MGST3: variants seen among roughly 807,000 people sequenced by gnomAD.
MGST3 encodes the protein microsomal glutathione S-transferase 3.
A neutral mutation model predicts 15.8 loss-of-function variants in MGST3; 13 were observed. The ratio of observed to expected loss-of-function variants is 0.82; its 90% CI spans 0.54 to 1.31. MGST3 has a LOEUF of 1.31. MGST3 is among the 50% of genes most tolerant of loss of function. The probability of loss-of-function intolerance (pLI) is 0.00; values close to 1 mark genes in which losing one functional copy is unlikely to be tolerated. For missense variants in MGST3, 155 were observed against 192.4 expected, an observed-to-expected ratio of 0.81 and a Z score of 1.15; for synonymous variants, 49 against 68.1, an observed-to-expected ratio of 0.72 and a Z score of 1.38.
chr1:165,648,487 G>C (rs952406222), intron 1 of MGST3: 1 of 152,220 alleles, frequency 6.6e-6, no homozygotes, highest in African/African-American at 2.4e-5. Context: ...GCAAAACCTC[G>C]TTTCTACTAA....
Position 165,655,953 on chromosome 1 carries a change from C to A in MGST3, c.*449C>A, listed in dbSNP as rs1648696330. On this transcript the variant is annotated 3_prime_UTR_variant, in exon 6 of 6. Transcript: ENST00000367889. ...AACCCCATCTCTACAAAAAAATATA[C>A]AACAGTTAGCCAGGCATGATGGCAC... is the stretch of plus-strand genomic sequence containing the variant. The A allele has an allele frequency of 4.7e-6, 1 of 214,382 alleles. No individual in the cohort carries two copies. Among genetic ancestry groups the A allele is most frequent in the Non-Finnish European group, 9.4e-6 (1 of 106,316 alleles). The allele number at this position is 214,382 out of a possible 1,614,324, so 13.3% of individuals were successfully genotyped here.
In MGST3 at chr1:165,651,105, C is replaced by T. The variant is rs376981509; in HGVS notation, c.191+18C>T. 2.2e-5 allele frequency: 36 copies of T among 1,612,880 alleles called. No individual in the cohort carries two copies. The highest frequency in any genetic ancestry group is 3.3e-5 in the Admixed American group (2 of 60,024). ...CAGAACACGTGAGTGTCGGCCCTGC[C>T]GGGCACCAAAGACATCTGCAGAGTG... is the stretch of plus-strand genomic sequence containing the variant. On this transcript the variant is annotated intron_variant, in intron 3 of 5. Coordinates refer to ENST00000367889, the MANE Select transcript of MGST3 (RefSeq NM_004528.4).
chr1:165,636,427 G>A (rs146446053), intron 1 of MGST3, among the ~76,000 whole-genome samples: 90 of 152,266 alleles, frequency 5.9e-4, no homozygotes, highest in African/African-American at 2.1e-3. Context: ...TATACATTGT[G>A]TAATGAGCAA....
chr1:165,635,855 G>A lies in MGST3; in HGVS notation c.-8+4562G>A, dbSNP rs569395568. The A allele has an allele frequency of 2.0e-5, 3 of 152,306 alleles. No individual in the cohort carries two copies. The East Asian group carries it at 5.8e-4, about 29-fold the overall frequency. The allele number at this position is 152,306 out of a possible 1,614,324, so 9.4% of individuals were successfully genotyped here. On this transcript the variant is annotated intron_variant, in intron 1 of 5. Coordinates refer to ENST00000367889, the MANE Select transcript of MGST3 (RefSeq NM_004528.4). ...GAAAGACCCACTCTAGGACCTGCTT[G>A]CTGCTATTTGCCTTACTTGAACCAG...
intron 1 of MGST3, chr1:165,632,281 G>A (rs1348000219): frequency 1.2e-6 from 2 of 1,612,444 alleles, no homozygotes; most frequent in African/African-American, 1.3e-5. Flanking sequence ...GCAGGTATGT[G>A]CTGTTGGGCC....
intron 5 of MGST3, 94 bp downstream of exon 5, chr1:165,654,445 C>T (rs554747099): frequency 8.5e-7 from 1 of 1,172,568 alleles, no homozygotes; most frequent in South Asian, 1.2e-5. Flanking sequence ...AATCCCAGCA[C>T]TTTGGGAGGC....
chr1:165,651,892 C>CAAAAAAA (rs58194137), intron 3 of MGST3, 86 bp from the exon 4 acceptor site: 122,557 of 453,178 alleles, frequency 0.27, 11,247 homozygotes, highest in East Asian at 0.37. Flanking sequence ...CACTCCGTCT[C>CAAAAAAA]AAAAAAAAAA....
intron 1 of MGST3, among the ~76,000 whole-genome samples, chr1:165,640,418 A>G (rs1648232011): frequency 6.6e-6 from 1 of 151,830 alleles, no homozygotes; most frequent in African/African-American, 2.4e-5. Flanking sequence ...GTAGTAGAAT[A>G]TAACCACCAA....
At chr1:165,646,482 ATTC>A (rs1384514679) in intron 1 of MGST3, 1 of 152,180 alleles carries the variant, frequency 6.6e-6, no homozygotes, top group Non-Finnish European at 1.5e-5. Flanking sequence ...TGTGTTCTGA[ATTC>A]TTCTTTCTTA....
chr1:165,654,219 T>C, intron 4 of MGST3, 60 bp from the exon 5 acceptor site: 1 of 1,497,550 alleles, frequency 6.7e-7, no homozygotes, highest in Non-Finnish European at 9.3e-7. Flanking sequence ...CAACCCTAGG[T>C]GTTAAAAAAG....
At chr1:165,649,731 G>A in intron 1 of MGST3, 110 bp from the exon 2 acceptor site, 2 of 1,267,648 alleles carry the variant, frequency 1.6e-6, no homozygotes, top group Non-Finnish European at 2.3e-6. Context: ...ACCTTTTTTT[G>A]GTCTCTATTT....
At chr1:165,642,542 C>T (rs1320298455) in intron 1 of MGST3, among the ~76,000 whole-genome samples, 1 of 152,168 alleles carries the variant, frequency 6.6e-6, no homozygotes, top group East Asian at 1.9e-4. Flanking sequence ...ATCATTTAGC[C>T]AAACATCCCC....
chr1:165,635,275 C>T (rs1293539606), intron 1 of MGST3, among the ~76,000 whole-genome samples: 1 of 152,126 alleles, frequency 6.6e-6, no homozygotes, highest in Admixed American at 6.5e-5. Context: ...TGTCCTTATA[C>T]CTGCAGGGGA....
At chr1:165,634,456 G>T (rs1648044097) in intron 1 of MGST3, among the ~76,000 whole-genome samples, 2 of 152,154 alleles carry the variant, frequency 1.3e-5, no homozygotes, top group African/African-American at 4.8e-5. Context: ...TGTGCACGGT[G>T]GTAATAAGTA....
chr1:165,649,159 G>A (rs1364127018), intron 1 of MGST3: 1 of 153,306 alleles, frequency 6.5e-6, no homozygotes, highest in South Asian at 2.1e-4. Flanking sequence ...TGCTTTCAGA[G>A]TACTCAACCT....
At chr1:165,653,165 G>T (rs1161428310) in intron 4 of MGST3, among the ~76,000 whole-genome samples, 1 of 152,062 alleles carries the variant, frequency 6.6e-6, no homozygotes, top group African/African-American at 2.4e-5. Context: ...GTATCTTTCT[G>T]GTGCCTCTAA....
At chr1:165,652,393 G>A (rs914377664) in intron 4 of MGST3, among the ~76,000 whole-genome samples, 1 of 152,176 alleles carries the variant, frequency 6.6e-6, no homozygotes, top group African/African-American at 2.4e-5. Flanking sequence ...ACCACCTGGG[G>A]TAAAGCAGTG....
intron 1 of MGST3, among the ~76,000 whole-genome samples, chr1:165,643,180 G>A (rs1648305829): frequency 1.3e-5 from 2 of 151,606 alleles, no homozygotes; most frequent in Non-Finnish European, 2.9e-5. Context: ...GCTGTATATT[G>A]AGCCTGTTTT....
intron 1 of MGST3, among the ~76,000 whole-genome samples, chr1:165,631,615 C>G (rs1380117628): frequency 1.3e-5 from 2 of 152,150 alleles, no homozygotes; most frequent in African/African-American, 4.8e-5. Context: ...CCGGGCTCTG[C>G]AGTCTGGGGG....
Sources: allele counts gnomAD v4.1 joint callset (sites outside exome capture counted in the v4.1 genomes callset), GRCh38; gene constraint gnomAD v4.1.1; transcripts MANE v1.5; gene names NCBI Gene and HGNC (gene_info 2026-07-23, HGNC 2026-07-21).